The following ADPGK variants were observed in gnomAD, a reference collection of about 807,000 sequenced individuals.
ADPGK encodes the protein ADP dependent glucokinase.
A neutral mutation model predicts 42.4 loss-of-function variants in ADPGK; 26 were observed. The observed-to-expected ratio is 0.61, with a 90% CI of 0.45 to 0.85. The LOEUF is 0.85. Ranked by LOEUF, ADPGK falls within the 40% of genes least tolerant of loss-of-function variation. ADPGK has a pLI of 0.00. For synonymous variants in ADPGK, 267 were observed against 252.6 expected, an observed-to-expected ratio of 1.06 and a Z score of -0.54; for missense variants, 571 against 627.0, an observed-to-expected ratio of 0.91 and a Z score of 0.95.
At chr15:72,763,490 A>T (rs2151078844) in intron 3 of ADPGK, among the ~76,000 whole-genome samples, 1 of 152,262 alleles carries the variant, frequency 6.6e-6, no homozygotes, top group South Asian at 2.1e-4. Flanking sequence ...CCAGCCAAAA[A>T]TATGGATCTA....
intron 3 of ADPGK, among the ~76,000 whole-genome samples, chr15:72,766,684 G>A (rs367748472): frequency 2.1e-4 from 32 of 152,180 alleles, no homozygotes; most frequent in African/African-American, 4.3e-4. Flanking sequence ...TATTGCAGTC[G>A]TCTAGAACCA....
chr15:72,780,064 G>A lies in ADPGK; in HGVS notation c.233+3395C>T, dbSNP rs74021505. Among the ~76,000 whole-genome samples the A allele has an allele frequency of 8.3e-3, 1,260 of 152,298 alleles. 13 individuals are homozygous for A. Among genetic ancestry groups the A allele is most frequent in the African/African-American group, 0.029 (1,191 of 41,556 alleles). ...CAAGATCTTGGGCAAATAAATCAATGTGAGAAGACTCGGTGACAATATCTG... is the reference window on the plus strand; with the variant it reads ...CAAGATCTTGGGCAAATAAATCAATATGAGAAGACTCGGTGACAATATCTG... On this transcript the variant is annotated intron_variant, in intron 1 of 6. Transcript: ENST00000456471.
At chr15:72,774,507 A>G (rs2066366039) in intron 2 of ADPGK, among the ~76,000 whole-genome samples, 1 of 152,176 alleles carries the variant, frequency 6.6e-6, no homozygotes, top group South Asian at 2.1e-4. Flanking sequence ...CTTGGAAACC[A>G]CTAAGGTTCT....
At position 72,756,309 on chromosome 15, in the gene ADPGK, G is replaced by C. The variant is rs142833607; in HGVS notation, c.782C>G (p.Ser261Cys). Residue 261 changes from serine to cysteine, a missense_variant, in exon 5 of 7, where the codon TCT becomes TGT. Ser to Cys is a moderately radical substitution (Grantham distance 112). Transcript: ENST00000456471. ...EEFQPDLVVL[S>C]GLHMMEGQSK... is the part of the protein sequence containing the mutation. ...TTGTCCCTCCATCATGTGCAATCCA[G>C]AGAGGACCACCAGGTCTGGCTGAAA... 3.9e-5 allele frequency: 63 copies of C among 1,614,204 alleles called. No individual in the cohort carries two copies. Among genetic ancestry groups the C allele is most frequent in the Non-Finnish European group, 5.1e-5 (60 of 1,180,036 alleles).
intron 4 of ADPGK, chr15:72,757,201 C>CTTTTTT (rs34450649): frequency 1.6e-5 from 2 of 123,402 alleles, no homozygotes; most frequent in Non-Finnish European, 3.4e-5. Flanking sequence ...TTCTTTTTTC[C>CTTTTTT]TTTTTTTTTT....
intron 4 of ADPGK, chr15:72,760,135 G>T: frequency 4.7e-6 from 1 of 214,980 alleles, no homozygotes; most frequent in Non-Finnish European, 9.3e-6. Flanking sequence ...TTTTATTTGA[G>T]ATGCTTGCTT....
chr15:72,767,400 A>G (rs966047182), intron 3 of ADPGK, among the ~76,000 whole-genome samples: 2 of 151,982 alleles, frequency 1.3e-5, no homozygotes, highest in East Asian at 1.9e-4. Flanking sequence ...AAAAAAACCA[A>G]TAAGAATATA....
At position 72,752,440 on chromosome 15, in the gene ADPGK, T is replaced by C. The variant is rs1393125693; in HGVS notation, c.1395A>G (p.Thr465=). The change falls in exon 7 of 7, where the codon ACA becomes ACG. Residue 465 remains threonine, a synonymous_variant. Coordinates refer to ENST00000456471, the MANE Select transcript of ADPGK (RefSeq NM_001365225.1). ...TGGGGTCTTTACACACCAATACTGG[T>C]GTGAAGTGGAAGGATATTCCCTCTC... ...WHREGISFHF[T]PVLVCKDPIR... 6.2e-7 allele frequency: 1 copy of C among 1,614,042 alleles called. No individual in the cohort carries two copies. Among genetic ancestry groups the C allele is most frequent in the East Asian group, 2.2e-5 (1 of 44,900 alleles).
In ADPGK at chr15:72,751,394, T is replaced by C. The variant is rs2066043613; in HGVS notation, c.*947A>G. ...CCTGAAATGTAAATTGTTTTTAATA[T>C]ATTTAAGAGCACACAGAAGTCTTGA... On this transcript the variant is annotated 3_prime_UTR_variant, in exon 7 of 7. Coordinates refer to ENST00000456471, the MANE Select transcript of ADPGK (RefSeq NM_001365225.1). 6.6e-6 allele frequency: 1 copy of C among 152,636 alleles called. No individual in the cohort carries two copies. The highest frequency in any genetic ancestry group is 2.4e-5 in the African/African-American group (1 of 41,440). The allele number at this position is 152,636 out of a possible 1,614,324, so 9.5% of individuals were successfully genotyped here. A position where few individuals can be genotyped will look rare whatever the true frequency, so the allele number is the denominator to read the frequency against.
chr15:72,781,420 T>C (rs916611298), intron 1 of ADPGK, among the ~76,000 whole-genome samples: 16 of 152,352 alleles, frequency 1.1e-4, no homozygotes, highest in Non-Finnish European at 1.9e-4. Flanking sequence ...ACAAACCATG[T>C]ACTTTTTCAC....
At position 72,763,717 on chromosome 15, in the gene ADPGK, T is replaced by G. The variant is rs529771571; in HGVS notation, c.523-3190A>C. 6.6e-5 allele frequency among the ~76,000 whole-genome samples: 10 copies of G among 152,316 alleles called. No homozygotes were observed. In the East Asian group the frequency reaches 1.4e-3, roughly 21 times the overall value. On this transcript the variant is annotated intron_variant, in intron 3 of 6. Transcript: ENST00000456471. Reference sequence around the variant, plus strand: ...TACCTCATTTTATTGTGCTTCACTTTACTGTGCTCTGCAGATACTGCAGTT... The same window carrying G: ...TACCTCATTTTATTGTGCTTCACTTGACTGTGCTCTGCAGATACTGCAGTT...
intron 1 of ADPGK, 132 bp from the exon 2 acceptor site, chr15:72,775,229 G>T: frequency 1.4e-6 from 1 of 732,544 alleles, no homozygotes. Flanking sequence ...AACCTGAATT[G>T]GGAAGTAAAC....
chr15:72,783,128 G>T, intron 1 of ADPGK: 2 of 872,760 alleles, frequency 2.3e-6, no homozygotes, highest in Non-Finnish European at 1.4e-6. Context: ...AAGTATCTTT[G>T]ATTGCAAAAC....
chr15:72,778,031 T>C (rs1427958329), intron 1 of ADPGK, among the ~76,000 whole-genome samples: 1 of 152,134 alleles, frequency 6.6e-6, no homozygotes, highest in East Asian at 1.9e-4. Context: ...GGTGGATCAC[T>C]TGAGCCTAGG....
intron 1 of ADPGK, among the ~76,000 whole-genome samples, chr15:72,778,822 G>T (rs932642641): frequency 6.6e-6 from 1 of 152,228 alleles, no homozygotes; most frequent in Non-Finnish European, 1.5e-5. Context: ...GGCTAGGGCA[G>T]TGGTCCCTGT....
intron 6 of ADPGK, among the ~76,000 whole-genome samples, chr15:72,754,066 T>C (rs2066080642): frequency 7.1e-6 from 1 of 140,894 alleles, no homozygotes; most frequent in South Asian, 2.2e-4. Context: ...ATGCACCTAA[T>C]ATTACCATAA....
intron 6 of ADPGK, 72 bp downstream of exon 6, chr15:72,755,484 C>T (rs2066099365): frequency 8.8e-7 from 1 of 1,139,692 alleles, no homozygotes; most frequent in Admixed American, 2.0e-5. Flanking sequence ...AACAGATGGT[C>T]CCACTGCACA....
At chr15:72,755,480 TG>T in intron 6 of ADPGK, 75 bp downstream of exon 6, 1 of 1,093,882 alleles carries the variant, frequency 9.1e-7, no homozygotes, top group Non-Finnish European at 1.4e-6. Context: ...CCCAAACAGA[TG>T]GTCCCACTGC....
chr15:72,773,129 T>TG (rs1219857439), intron 2 of ADPGK, among the ~76,000 whole-genome samples: 2 of 143,230 alleles, frequency 1.4e-5, no homozygotes, highest in East Asian at 2.1e-4. Flanking sequence ...AAAAAAAGGG[T>TG]GGGGGGGAGG....
Sources: gnomAD v4.1 joint callset for allele counts (sites outside exome capture counted in the v4.1 genomes callset) on GRCh38, gnomAD v4.1.1 for gene constraint, MANE v1.5 for transcripts, NCBI Gene and HGNC (gene_info 2026-07-23, HGNC 2026-07-21) for gene names.